Variants in WIF1 observed in about 807,000 individuals in gnomAD.
The protein encoded by WIF1 is Wnt inhibitory factor 1.
In WIF1, 35 loss-of-function variants were observed where a neutral mutation model predicts 53.5. The ratio of observed to expected loss-of-function variants is 0.65; its 90% CI spans 0.50 to 0.87. WIF1 has a LOEUF of 0.87. Among genes scored for constraint, WIF1 ranks in the 40% least tolerant of loss-of-function variants. The pLI is 0.00. For synonymous variants in WIF1, 171 were observed against 170.4 expected (o/e 1.00, Z -0.03); for missense variants, 467 against 476.8 (o/e 0.98, Z 0.19).
rs540779732 is a variant in WIF1, at chr12:65,103,269, C to A, written c.288+17148G>T. Among the ~76,000 whole-genome samples, 187 of 152,216 alleles carry A rather than the reference C, an allele frequency of 1.2e-3. 2 individuals are homozygous for A. The highest frequency in any genetic ancestry group is 4.4e-3 in the African/African-American group (182 of 41,544). ...AAAGTTTCACCAATGCATGATTTTT[C>A]CTTAGTTTTTGGGAAGACTGAATGA... is the stretch of plus-strand genomic sequence containing the variant. On this transcript the variant is annotated intron_variant, in intron 2 of 9. Coordinates refer to ENST00000286574, the MANE Select transcript of WIF1 (RefSeq NM_007191.5).
At chr12:65,114,524 T>C (rs548328307) in intron 2 of WIF1, among the ~76,000 whole-genome samples, 3 of 152,336 alleles carry the variant, frequency 2.0e-5, no homozygotes, top group East Asian at 3.9e-4. Context: ...GCCTTTGTTA[T>C]ATTTGATTTT....
At chr12:65,068,073 A>C (rs976385561) in intron 4 of WIF1, among the ~76,000 whole-genome samples, 1 of 152,104 alleles carries the variant, frequency 6.6e-6, no homozygotes, top group African/African-American at 2.4e-5. Context: ...GATCTACTGT[A>C]CCTTGTTAAA....
chr12:65,092,625 A>G (rs1177968738), intron 2 of WIF1, among the ~76,000 whole-genome samples: 2 of 151,984 alleles, frequency 1.3e-5, no homozygotes, highest in African/African-American at 4.8e-5. Flanking sequence ...CAAGCTATGC[A>G]GATATCTGGG....
chr12:65,117,433 C>T (rs558380802), intron 2 of WIF1, among the ~76,000 whole-genome samples: 3 of 152,222 alleles, frequency 2.0e-5, no homozygotes, highest in African/African-American at 7.2e-5. Flanking sequence ...AAGTGGAACA[C>T]GAGATGCATT....
chr12:65,091,983 T>G (rs140387995), intron 2 of WIF1, among the ~76,000 whole-genome samples: 1 of 152,234 alleles, frequency 6.6e-6, no homozygotes, highest in African/African-American at 2.4e-5. Context: ...CACATAATTT[T>G]TAAAGAAATA....
Position 65,088,249 on chromosome 12 carries a change from A to G in WIF1, c.289-10395T>C, listed in dbSNP as rs146162299. Among the ~76,000 whole-genome samples, 894 of 152,278 alleles carry G rather than the reference A, an allele frequency of 5.9e-3. 6 individuals are homozygous for G. Among genetic ancestry groups the G allele is most frequent in the African/African-American group, 0.021 (852 of 41,546 alleles). ...ACAGTTTCATAGTTTTCCCCCAGGT[A>G]TGCTGTCCCATTCCTGCTATCTTCT... On this transcript the variant is annotated intron_variant, in intron 2 of 9. Coordinates refer to ENST00000286574, the MANE Select transcript of WIF1 (RefSeq NM_007191.5).
At chr12:65,072,030 T>C (rs565208522) in intron 3 of WIF1, among the ~76,000 whole-genome samples, 5 of 152,308 alleles carry the variant, frequency 3.3e-5, no homozygotes, top group East Asian at 3.9e-4. Context: ...TTTCTGTTTA[T>C]ATAAACTTTA....
intron 2 of WIF1, among the ~76,000 whole-genome samples, chr12:65,118,660 C>A (rs571720298): frequency 1.9e-4 from 29 of 152,340 alleles, no homozygotes; most frequent in African/African-American, 7.0e-4. Flanking sequence ...CAGTTCCACT[C>A]TCCTCCCTAA....
chr12:65,051,181 GAAAACTTAA>G lies in WIF1; in HGVS notation c.*159_*167del. ...TACCATCATGCTACAGACGTACTTA[GAAAACTTAA>G]AAGGAAGAGTAAATATCAGCTCAGT... On this transcript the variant is annotated 3_prime_UTR_variant, in exon 10 of 10. Coordinates refer to ENST00000286574, the MANE Select transcript of WIF1 (RefSeq NM_007191.5). 1 of 862,310 alleles carries G rather than the reference GAAAACTTAA, an allele frequency of 1.2e-6. No individual in the cohort carries two copies. Among genetic ancestry groups the G allele is most frequent in the Non-Finnish European group, 1.6e-6 (1 of 612,394 alleles). 53.4% of individuals were successfully genotyped at this position (862,310 alleles called of 1,614,324 possible). A position where few individuals can be genotyped will look rare whatever the true frequency, so the allele number is the denominator to read the frequency against.
chr12:65,106,271 G>A (rs996688432), intron 2 of WIF1, among the ~76,000 whole-genome samples: 19 of 151,912 alleles, frequency 1.3e-4, no homozygotes, highest in African/African-American at 4.6e-4. Flanking sequence ...GTAGAGCCCA[G>A]GGATATTCAA....
At position 65,121,211 on chromosome 12, in the gene WIF1, C is replaced by T. The variant is rs539690181; in HGVS notation, c.-20G>A. ...GGCCATGCTGCTCAGGACCTCCTCG[C>T]TGCCGGGAAAACTCCTCGTGCCGCA... On this transcript the variant is annotated 5_prime_UTR_variant, in exon 1 of 10. Coordinates refer to ENST00000286574, the MANE Select transcript of WIF1 (RefSeq NM_007191.5). The T allele has an allele frequency of 5.5e-6, 8 of 1,462,124 alleles. No homozygotes were observed. Among genetic ancestry groups the T allele is most frequent in the East Asian group, 5.3e-5 (2 of 37,878 alleles). 90.6% of individuals were successfully genotyped at this position (1,462,124 alleles called of 1,614,324 possible). A position where few individuals can be genotyped will look rare whatever the true frequency, so the allele number is the denominator to read the frequency against.
At chr12:65,083,065 T>G (rs780533963) in intron 2 of WIF1, among the ~76,000 whole-genome samples, 1 of 152,164 alleles carries the variant, frequency 6.6e-6, no homozygotes, top group Non-Finnish European at 1.5e-5. Flanking sequence ...TTCAAATAAT[T>G]TTTGTTGAAT....
chr12:65,093,619 C>T (rs1883157778), intron 2 of WIF1, among the ~76,000 whole-genome samples: 1 of 151,914 alleles, frequency 6.6e-6, no homozygotes, highest in African/African-American at 2.4e-5. Flanking sequence ...GGTTATAAAA[C>T]AAATGAAAGC....
chr12:65,068,649 ATGTGTG>A (rs10590995), intron 4 of WIF1, 109 bp downstream of exon 4: 10,673 of 999,242 alleles, frequency 0.011, 19 homozygotes, highest in Admixed American at 0.018. Flanking sequence ...CCAAAAAACC[ATGTGTG>A]TGTGTGTGTG....
At chr12:65,063,814 A>C (rs1310607458) in intron 6 of WIF1, among the ~76,000 whole-genome samples, 1 of 151,858 alleles carries the variant, frequency 6.6e-6, no homozygotes, top group Admixed American at 6.6e-5. Flanking sequence ...CCTGGGCTTA[A>C]GGTTTCTTCC....
chr12:65,055,997 T>A (rs930424587), intron 8 of WIF1, 34 bp downstream of exon 8: 1 of 1,593,298 alleles, frequency 6.3e-7, no homozygotes, highest in Non-Finnish European at 8.6e-7. Context: ...AACGACCTAG[T>A]AGCCCAGATT....
rs12317641 is a variant in WIF1 at position 65,055,962 on chromosome 12, T to C, written c.922+69A>G. 30,521 of 1,393,370 alleles carry C rather than the reference T, an allele frequency of 0.022. 1,663 individuals carry two copies. Among genetic ancestry groups the C allele is most frequent in the African/African-American group, 0.2 (13,735 of 70,216 alleles). 86.3% of individuals were successfully genotyped at this position (1,393,370 alleles called of 1,614,324 possible). ...GCAACATGCACTAAGCACGGAAGTATGTAGTGAGAGACTCCTGCTAGTTTA... is the reference window on the plus strand; with the variant it reads ...GCAACATGCACTAAGCACGGAAGTACGTAGTGAGAGACTCCTGCTAGTTTA... On this transcript the variant is annotated intron_variant, in intron 8 of 9. Coordinates refer to ENST00000286574, the MANE Select transcript of WIF1 (RefSeq NM_007191.5).
At chr12:65,056,216 A>G in intron 7 of WIF1, 90 bp from the exon 8 acceptor site, 1 of 1,216,712 alleles carries the variant, frequency 8.2e-7, no homozygotes, top group Non-Finnish European at 1.2e-6. Context: ...AGGCTTTGAG[A>G]GGATAAGTGC....
chr12:65,074,397 T>C (rs1328222923), intron 3 of WIF1, among the ~76,000 whole-genome samples: 1 of 152,058 alleles, frequency 6.6e-6, no homozygotes, highest in Non-Finnish European at 1.5e-5. Context: ...TATATTCCTT[T>C]ATTAATCAGA....
Sources: allele counts gnomAD v4.1 joint callset (sites outside exome capture counted in the v4.1 genomes callset), GRCh38; gene constraint gnomAD v4.1.1; transcripts MANE v1.5; gene names NCBI Gene and HGNC (gene_info 2026-07-23, HGNC 2026-07-21).